RSF1: variants seen among roughly 807,000 people sequenced by gnomAD.
RSF1 encodes HBV pX-associated protein 8.
In RSF1, 13 loss-of-function variants were observed where a neutral mutation model predicts 145.2. That is an observed-to-expected ratio of 0.09 (90% CI 0.06 to 0.14). The LOEUF is 0.14. Ranked by LOEUF, RSF1 falls within the 10% of genes least tolerant of loss-of-function variation. The pLI is 1.00. For missense variants in RSF1, 1,517 were observed against 1,718.2 expected (o/e 0.88, Z 2.07); for synonymous variants, 577 against 592.6 (o/e 0.97, Z 0.38).
chr11:77,831,597 C>A, the RSF1 span, among the ~76,000 whole-genome samples: 3 of 152,032 alleles, frequency 2.0e-5, no homozygotes, highest in Non-Finnish European at 2.9e-5. Flanking sequence ...CTACCCTTAC[C>A]TTCTTGATTT....
chr11:77,765,323 A>G (rs758182209), intron 1 of RSF1, among the ~76,000 whole-genome samples: 1 of 152,176 alleles, frequency 6.6e-6, no homozygotes, highest in Non-Finnish European at 1.5e-5. Flanking sequence ...ACAGTTTCCA[A>G]ACTGTTTTGG....
intron 4 of RSF1, among the ~76,000 whole-genome samples, chr11:77,731,778 G>A (rs911567253): frequency 3.3e-5 from 5 of 152,254 alleles, no homozygotes; most frequent in African/African-American, 7.2e-5. Context: ...ACCTGTGAAT[G>A]CACAGAAGAA....
At chr11:77,792,749 A>C (rs555066360) in intron 1 of RSF1, among the ~76,000 whole-genome samples, 1 of 152,268 alleles carries the variant, frequency 6.6e-6, no homozygotes, top group African/African-American at 2.4e-5. Context: ...AAAAAAAAAA[A>C]AACTGCCAAT....
At chr11:77,766,476 T>A (rs1420702311) in intron 1 of RSF1, among the ~76,000 whole-genome samples, 1 of 151,976 alleles carries the variant, frequency 6.6e-6, no homozygotes, top group African/African-American at 2.4e-5. Flanking sequence ...CCTACTTGAG[T>A]GAATCTTCAT....
chr11:77,719,235 T>C (rs1464215163), intron 5 of RSF1, among the ~76,000 whole-genome samples: 1 of 152,146 alleles, frequency 6.6e-6, no homozygotes, highest in African/African-American at 2.4e-5. Context: ...ACCTTGACTC[T>C]AAAAATAAAT....
chr11:77,757,101 G>GT (rs1349172619), intron 2 of RSF1, among the ~76,000 whole-genome samples: 1 of 152,142 alleles, frequency 6.6e-6, no homozygotes, highest in Non-Finnish European at 1.5e-5. Context: ...GATGAATGAG[G>GT]TTTTAGTGGA....
At chr11:77,827,937 C>A in the RSF1 span, among the ~76,000 whole-genome samples, 2 of 152,226 alleles carry the variant, frequency 1.3e-5, no homozygotes, top group South Asian at 4.2e-4. Context: ...GATAAATACT[C>A]AAAAATCCTG....
intron 5 of RSF1, chr11:77,702,750 C>T: frequency 3.5e-6 from 1 of 287,732 alleles, no homozygotes; most frequent in Non-Finnish European, 6.3e-6. Context: ...TTGGTGTTCT[C>T]AATGGATTGC....
chr11:77,870,287 T>C, the RSF1 span, among the ~76,000 whole-genome samples: 1 of 150,736 alleles, frequency 6.6e-6, no homozygotes, highest in Non-Finnish European at 1.5e-5. Context: ...CCCAAAATGC[T>C]AGGATTACAA....
At chr11:77,841,607 C>T in the RSF1 span, among the ~76,000 whole-genome samples, 1 of 152,140 alleles carries the variant, frequency 6.6e-6, no homozygotes, top group African/African-American at 2.4e-5. Context: ...TCTTGCTTAT[C>T]CACTGTGTAT....
In RSF1 at chr11:77,780,683, C is replaced by A. The variant is rs372865271; in HGVS notation, c.188-15994G>T. Among the ~76,000 whole-genome samples the A allele has an allele frequency of 7.2e-5, 11 of 151,876 alleles. No homozygotes were observed. The East Asian group carries it at 1.7e-3, about 24-fold the overall frequency. Reference sequence around the variant, plus strand: ...CTACTAAAAATACAAAAATTAGCCGCGTGTGGTGGCACATGCTGGTAGTCC... The same window carrying A: ...CTACTAAAAATACAAAAATTAGCCGAGTGTGGTGGCACATGCTGGTAGTCC... On this transcript the variant is annotated intron_variant, in intron 1 of 15. Transcript: ENST00000308488.
At chr11:77,853,249 A>G in the RSF1 span, among the ~76,000 whole-genome samples, 11 of 152,234 alleles carry the variant, frequency 7.2e-5, no homozygotes, top group African/African-American at 2.2e-4. Context: ...TTGCATTGCT[A>G]TAAAGAACTA....
chr11:77,825,644 A>C (rs1949134256), upstream of RSF1, among the ~76,000 whole-genome samples: 1 of 151,916 alleles, frequency 6.6e-6, no homozygotes, highest in Non-Finnish European at 1.5e-5. Context: ...TTACAACAGA[A>C]TTCTATTCAT....
In RSF1 at chr11:77,797,773, G is replaced by A. The variant is rs551927911; in HGVS notation, c.187+22755C>T. 4.6e-5 allele frequency among the ~76,000 whole-genome samples: 7 copies of A among 152,140 alleles called. No homozygotes were observed. In the South Asian group the frequency reaches 8.3e-4, roughly 18 times the overall value. ...TTTGCAATCTATCCATCTGACAAAC[G>A]GCTAATATCCAGAATCTACAACAAA... On this transcript the variant is annotated intron_variant, in intron 1 of 15. Coordinates refer to ENST00000308488, the MANE Select transcript of RSF1 (RefSeq NM_016578.4).
At chr11:77,803,559 A>C (rs912244055) in intron 1 of RSF1, among the ~76,000 whole-genome samples, 2 of 151,640 alleles carry the variant, frequency 1.3e-5, no homozygotes, top group Non-Finnish European at 2.9e-5. Context: ...CGGGTGGATC[A>C]CTTGAGGTCA....
At chr11:77,799,417 G>C (rs750540963) in intron 1 of RSF1, among the ~76,000 whole-genome samples, 1 of 150,466 alleles carries the variant, frequency 6.6e-6, no homozygotes, top group African/African-American at 2.5e-5. Flanking sequence ...TGAAAGGATC[G>C]CTTGAGATCA....
chr11:77,799,670 T>C (rs1216055299), intron 1 of RSF1, among the ~76,000 whole-genome samples: 1 of 152,158 alleles, frequency 6.6e-6, no homozygotes, highest in Non-Finnish European at 1.5e-5. Flanking sequence ...CTCTATGAAT[T>C]TGCCTATTCT....
intron 11 of RSF1, among the ~76,000 whole-genome samples, chr11:77,682,091 C>T (rs1959877646): frequency 6.6e-6 from 1 of 152,166 alleles, no homozygotes; most frequent in African/African-American, 2.4e-5. Flanking sequence ...CATATTTGCA[C>T]TTTCCATCTG....
chr11:77,681,360 T>C (rs1252548844), intron 11 of RSF1, among the ~76,000 whole-genome samples: 1 of 152,222 alleles, frequency 6.6e-6, no homozygotes, highest in Non-Finnish European at 1.5e-5. Flanking sequence ...ACAAAACAAC[T>C]CAAACATGAT....
Sources: gnomAD v4.1 joint callset for allele counts (sites outside exome capture counted in the v4.1 genomes callset) on GRCh38, gnomAD v4.1.1 for gene constraint, MANE v1.5 for transcripts, NCBI Gene and HGNC (gene_info 2026-07-23, HGNC 2026-07-21) for gene names.